ABCG2: variants seen among roughly 807,000 people sequenced by gnomAD.
ABCG2 encodes broad substrate specificity ATP-binding cassette transporter ABCG2.
A neutral mutation model predicts 73.5 loss-of-function variants in ABCG2; 80 were observed. The observed-to-expected ratio is 1.09, with a 90% CI of 0.91 to 1.31. The LOEUF (loss-of-function observed/expected upper bound fraction) is 1.31. ABCG2 is among the 50% of genes most tolerant of loss of function. The pLI is 0.00. For synonymous variants in ABCG2, 269 were observed against 282.4 expected (o/e 0.95, Z 0.48); for missense variants, 796 against 786.2 (o/e 1.01, Z -0.15).
intron 1 of ABCG2, among the ~76,000 whole-genome samples, chr4:88,214,291 C>A (rs1578284060): frequency 6.6e-6 from 1 of 151,960 alleles, no homozygotes; most frequent in East Asian, 1.9e-4. Flanking sequence ...TCTATTTCCC[C>A]CATCCTCAAA....
intron 1 of ABCG2, among the ~76,000 whole-genome samples, chr4:88,142,144 T>C (rs1725690702): frequency 6.6e-6 from 1 of 151,646 alleles, no homozygotes; most frequent in Non-Finnish European, 1.5e-5. Context: ...ATAACAAACA[T>C]ATGGGATAAG....
chr4:88,158,318 T>A (rs538654486), intron 1 of ABCG2, 68 bp downstream of exon 1: 2 of 342,454 alleles, frequency 5.8e-6, no homozygotes, highest in Admixed American at 8.0e-5. Flanking sequence ...CTAACAAATA[T>A]ATACACAACG....
intron 1 of ABCG2, among the ~76,000 whole-genome samples, chr4:88,166,001 A>C (rs1458613188): frequency 6.6e-6 from 1 of 152,204 alleles, no homozygotes; most frequent in Non-Finnish European, 1.5e-5. Context: ...CACCTTTGAG[A>C]GGCCATTTTT....
chr4:88,145,441 G>A (rs1286019793), intron 1 of ABCG2, among the ~76,000 whole-genome samples: 1 of 152,124 alleles, frequency 6.6e-6, no homozygotes, highest in African/African-American at 2.4e-5. Context: ...CAGGCCCAAA[G>A]CCTGCTTGTA....
intron 1 of ABCG2, among the ~76,000 whole-genome samples, chr4:88,141,206 T>C (rs1199081094): frequency 6.6e-6 from 1 of 152,104 alleles, no homozygotes; most frequent in Non-Finnish European, 1.5e-5. Context: ...AAGAAACTGT[T>C]GAAGAGTTCT....
At chr4:88,172,834 C>G (rs1307923824) in intron 1 of ABCG2, among the ~76,000 whole-genome samples, 3 of 152,062 alleles carry the variant, frequency 2.0e-5, no homozygotes, top group African/African-American at 7.2e-5. Context: ...GAGCTCCAGA[C>G]AGTATGCATG....
intron 1 of ABCG2, among the ~76,000 whole-genome samples, chr4:88,200,000 CAA>C (rs953519877): frequency 6.6e-6 from 1 of 150,570 alleles, no homozygotes; most frequent in African/African-American, 2.4e-5. Context: ...GACTCCGTCT[CAA>C]AAAAAAAGTT....
At chr4:88,124,878 T>C (rs1332829140) in intron 5 of ABCG2, among the ~76,000 whole-genome samples, 1 of 152,166 alleles carries the variant, frequency 6.6e-6, no homozygotes, top group Non-Finnish European at 1.5e-5. Flanking sequence ...CACACAGCAC[T>C]TATTCTAAAA....
chr4:88,101,802 G>A (rs1454847614), intron 10 of ABCG2, among the ~76,000 whole-genome samples: 2 of 152,160 alleles, frequency 1.3e-5, no homozygotes, highest in African/African-American at 4.8e-5. Flanking sequence ...CAGCAATGCT[G>A]GCATCCTGAT....
At chr4:88,218,584 A>G (rs963769915) in intron 1 of ABCG2, among the ~76,000 whole-genome samples, 30 of 152,228 alleles carry the variant, frequency 2.0e-4, no homozygotes, top group African/African-American at 7.2e-4. Flanking sequence ...GCAATCTTTT[A>G]TCCCTCACCC....
At chr4:88,229,164 C>T (rs928768550) in intron 1 of ABCG2, among the ~76,000 whole-genome samples, 1 of 152,220 alleles carries the variant, frequency 6.6e-6, no homozygotes, top group African/African-American at 2.4e-5. Context: ...ATAACACTTG[C>T]TGCGAAGGTT....
intron 15 of ABCG2, among the ~76,000 whole-genome samples, chr4:88,094,346 C>T (rs904333580): frequency 5.9e-5 from 9 of 151,802 alleles, no homozygotes; most frequent in African/African-American, 1.5e-4. Context: ...AAGAAACAAA[C>T]GTAAGAAACA....
intron 1 of ABCG2, among the ~76,000 whole-genome samples, chr4:88,154,195 C>A (rs1726759250): frequency 1.3e-5 from 2 of 152,168 alleles, no homozygotes; most frequent in South Asian, 4.1e-4. Flanking sequence ...TTTTAGCTAA[C>A]TTATCAGCAT....
chr4:88,096,574 C>A (rs568236319), intron 13 of ABCG2, among the ~76,000 whole-genome samples: 6 of 152,134 alleles, frequency 3.9e-5, no homozygotes, highest in African/African-American at 1.4e-4. Flanking sequence ...TAAACTATGG[C>A]AAGAGTTTGT....
upstream of ABCG2, chr4:88,163,858 G>A: frequency 5.2e-6 from 1 of 191,136 alleles, no homozygotes; most frequent in Admixed American, 6.0e-5. Context: ...AAAATGTAAT[G>A]AGGGTAAAGA....
chr4:88,154,848 G>A (rs1190222097), intron 1 of ABCG2, among the ~76,000 whole-genome samples: 3 of 152,192 alleles, frequency 2.0e-5, no homozygotes, highest in African/African-American at 7.2e-5. Flanking sequence ...GAGCTGTAGA[G>A]AGTGAGTTGA....
At chr4:88,186,157 T>C (rs565748473) in intron 1 of ABCG2, among the ~76,000 whole-genome samples, 1 of 152,314 alleles carries the variant, frequency 6.6e-6, no homozygotes, top group Admixed American at 6.5e-5. Flanking sequence ...ATGCTACTTA[T>C]ACACAACAGA....
rs70959615 is a variant in ABCG2, at chr4:88,230,307, ATTTTTTTTTT to A, written c.-20+677_-20+686del. 5.8e-5 allele frequency among the ~76,000 whole-genome samples: 3 copies of A among 51,468 alleles called. 1 individual carries two copies. Among genetic ancestry groups the A allele is most frequent in the African/African-American group, 3.4e-4 (3 of 8,796 alleles). The allele number at this position is 51,468 out of a possible 152,430, so 33.8% of individuals were successfully genotyped here. A position where few individuals can be genotyped will look rare whatever the true frequency, so the allele number is the denominator to read the frequency against. ...CCGCACCTGTTATATATATATATAT[ATTTTTTTTTT>A]TGGCCACATATATATATATATATAT... On this transcript the variant is annotated intron_variant, in intron 1 of 15. Coordinates refer to the ABCG2 transcript ENST00000515655.
rs948257319 is a variant in ABCG2 at position 88,122,269 on chromosome 4, G to GT, written c.532-478dup. ...GGCAGACACTGAGACAGCTGCAGGAGTTTTTTTTTCATACCCCAGTGGTGC... is the reference window on the plus strand; with the variant it reads ...GGCAGACACTGAGACAGCTGCAGGAGTTTTTTTTTTCATACCCCAGTGGTGC... On this transcript the variant is annotated intron_variant, in intron 5 of 15. Transcript: ENST00000237612. 3.3e-5 allele frequency among the ~76,000 whole-genome samples: 5 copies of GT among 151,616 alleles called. No individual in the cohort carries two copies. In the East Asian group the frequency reaches 5.8e-4, roughly 18 times the overall value.
Sources: gnomAD v4.1 joint callset for allele counts (sites outside exome capture counted in the v4.1 genomes callset) on GRCh38, gnomAD v4.1.1 for gene constraint, MANE v1.5 for transcripts, NCBI Gene and HGNC (gene_info 2026-07-23, HGNC 2026-07-21) for gene names.